The following LRRIQ3 variants were observed in gnomAD, a reference collection of about 807,000 sequenced individuals.
LRRIQ3 encodes leucine-rich repeat and IQ domain-containing protein 3.
A neutral mutation model predicts 59.3 loss-of-function variants in LRRIQ3; 75 were observed. That is an observed-to-expected ratio of 1.26 (90% CI 1.05 to 1.53). The LOEUF is 1.53. Among genes scored for constraint, LRRIQ3 ranks in the 40% most tolerant of loss-of-function variants. The pLI, the probability that LRRIQ3 is intolerant of heterozygous loss-of-function variation, is 0.00. For synonymous variants in LRRIQ3, 250 were observed against 231.3 expected (o/e 1.08, Z -0.73); for missense variants, 831 against 710.0 (o/e 1.17, Z -1.94).
chr1:74,102,881 A>G (rs1041529382), intron 5 of LRRIQ3, among the ~76,000 whole-genome samples: 1 of 151,922 alleles, frequency 6.6e-6, no homozygotes, highest in Non-Finnish European at 1.5e-5. Context: ...TTTCTTATCC[A>G]CATATATGGA....
intron 3 of LRRIQ3, among the ~76,000 whole-genome samples, chr1:74,173,323 C>A (rs1463434504): frequency 6.6e-6 from 1 of 151,174 alleles, no homozygotes; most frequent in African/African-American, 2.4e-5. Context: ...TCCATTCACT[C>A]CCTCCTTATC....
rs578061105 is a variant in LRRIQ3, at chr1:74,165,426, T to C, written c.574-9560A>G. Among the ~76,000 whole-genome samples the C allele has an allele frequency of 2.0e-5, 3 of 151,752 alleles. No homozygotes were observed. The East Asian group carries it at 5.8e-4, about 29-fold the overall frequency. Reference sequence around the variant, plus strand: ...CTAGTATATAGAAATATAATTTTTGTATGTTTATCTGGCATACTGAGACAA... The same window carrying C: ...CTAGTATATAGAAATATAATTTTTGCATGTTTATCTGGCATACTGAGACAA... On this transcript the variant is annotated intron_variant, in intron 3 of 7. Transcript: ENST00000354431.
intron 7 of LRRIQ3, among the ~76,000 whole-genome samples, chr1:74,031,412 C>T (rs1653707515): frequency 6.6e-6 from 1 of 152,090 alleles, no homozygotes; most frequent in South Asian, 2.1e-4. Context: ...CACATATACA[C>T]CATGGAATAC....
At chr1:74,052,443 A>T (rs534852199) in intron 6 of LRRIQ3, among the ~76,000 whole-genome samples, 1 of 152,244 alleles carries the variant, frequency 6.6e-6, no homozygotes, top group South Asian at 2.1e-4. Flanking sequence ...CACCTTATAG[A>T]TTTGCTGTGA....
chr1:74,161,361 A>G (rs1287575860), intron 3 of LRRIQ3, among the ~76,000 whole-genome samples: 1 of 152,046 alleles, frequency 6.6e-6, no homozygotes. Flanking sequence ...TCCGACAAAA[A>G]GTCTTTGCTA....
intron 6 of LRRIQ3, among the ~76,000 whole-genome samples, chr1:74,059,874 G>T (rs1343200024): frequency 6.6e-6 from 1 of 151,940 alleles, no homozygotes; most frequent in African/African-American, 2.4e-5. Context: ...CTTCAGTATA[G>T]AAGTCCTGTA....
chr1:74,056,017 T>G (rs937725776), intron 6 of LRRIQ3, among the ~76,000 whole-genome samples: 1 of 151,324 alleles, frequency 6.6e-6, no homozygotes, highest in African/African-American at 2.4e-5. Flanking sequence ...TGGTGGTGGG[T>G]GCCTGTAGTC....
At chr1:74,031,943 T>C (rs924907112) in intron 7 of LRRIQ3, among the ~76,000 whole-genome samples, 3 of 151,966 alleles carry the variant, frequency 2.0e-5, no homozygotes, top group South Asian at 4.1e-4. Flanking sequence ...GCAAGGTCTA[T>C]ACCTAAAAAT....
intron 6 of LRRIQ3, among the ~76,000 whole-genome samples, chr1:74,072,320 A>T (rs1355601621): frequency 1.3e-5 from 2 of 152,056 alleles, no homozygotes; most frequent in Non-Finnish European, 2.9e-5. Context: ...TAATACCAGA[A>T]CCATTACTTA....
At chr1:74,080,837 G>T (rs1287599979) in intron 5 of LRRIQ3, among the ~76,000 whole-genome samples, 1 of 151,578 alleles carries the variant, frequency 6.6e-6, no homozygotes, top group Non-Finnish European at 1.5e-5. Context: ...AGGTTAACGT[G>T]TACAGCAATC....
At chr1:74,068,614 T>C (rs1654933785) in intron 6 of LRRIQ3, among the ~76,000 whole-genome samples, 1 of 152,192 alleles carries the variant, frequency 6.6e-6, no homozygotes, top group African/African-American at 2.4e-5. Flanking sequence ...ATTTAAAATA[T>C]TTTAAAAGCA....
At chr1:74,092,334 A>G (rs750715755) in intron 5 of LRRIQ3, among the ~76,000 whole-genome samples, 9 of 152,098 alleles carry the variant, frequency 5.9e-5, no homozygotes, top group Non-Finnish European at 1.2e-4. Flanking sequence ...TTAGATCTTT[A>G]TTACACATAG....
intron 6 of LRRIQ3, among the ~76,000 whole-genome samples, chr1:74,049,930 T>C (rs1409493303): frequency 6.0e-5 from 9 of 149,410 alleles, no homozygotes; most frequent in African/African-American, 1.7e-4. Context: ...TTTTTCTTTT[T>C]TTTTTTTTTT....
Position 74,041,634 on chromosome 1 carries a change from G to T in LRRIQ3, c.1297C>A (p.Gln433Lys). Reference protein sequence around the residue: ...IDKYYTEQKKQEYHKEKVRVV... With the variant: ...IDKYYTEQKKKEYHKEKVRVV... ...CTTACTTTTTCTTTATGGTATTCCT[G>T]CTTCTTTTGTTCTGTGTAATATTTG... Residue 433 changes from glutamine (Q) to lysine (K), a missense_variant, in exon 7 of 8, where the codon CAG becomes AAG. Coordinates refer to ENST00000354431, the MANE Select transcript of LRRIQ3 (RefSeq NM_001105659.2). The T allele has an allele frequency of 6.2e-7, 1 of 1,613,638 alleles. No homozygotes were observed. The highest frequency in any genetic ancestry group is 8.5e-7 in the Non-Finnish European group (1 of 1,179,844).
chr1:74,100,520 CTACTAATGACTT>C lies in LRRIQ3; in HGVS notation c.867+8862_867+8873del, dbSNP rs1429920279. On this transcript the variant is annotated intron_variant, in intron 5 of 7. Coordinates refer to ENST00000354431, the MANE Select transcript of LRRIQ3 (RefSeq NM_001105659.2). ...TAGATTCAATGCCATCCCCATAAAGCTACTAATGACTTTCTTCACAGAATTGGAAAAAACTAC... is the reference window on the plus strand; with the variant it reads ...TAGATTCAATGCCATCCCCATAAAGCTCTTCACAGAATTGGAAAAAACTAC... Among the ~76,000 whole-genome samples, 94 of 152,256 alleles carry C rather than the reference CTACTAATGACTT, an allele frequency of 6.2e-4. 1 individual carries two copies. In the East Asian group the frequency reaches 0.01, roughly 17 times the overall value.
Position 74,048,807 on chromosome 1 carries a change from A to G in LRRIQ3, c.998-6874T>C, listed in dbSNP as rs564897596. Among the ~76,000 whole-genome samples the G allele has an allele frequency of 3.3e-5, 5 of 152,306 alleles. No individual in the cohort carries two copies. In the South Asian group the frequency reaches 1.0e-3, roughly 32 times the overall value. On this transcript the variant is annotated intron_variant, in intron 6 of 7. Coordinates refer to ENST00000354431, the MANE Select transcript of LRRIQ3 (RefSeq NM_001105659.2). ...AATATAATGTGTGAACAGTGTATACATAAAATTGAATGTTTGTTGTGTATA... is the reference window on the plus strand; with the variant it reads ...AATATAATGTGTGAACAGTGTATACGTAAAATTGAATGTTTGTTGTGTATA...
Position 74,103,864 on chromosome 1 carries a change from T to A in LRRIQ3, c.867+5530A>T, listed in dbSNP as rs548989844. On this transcript the variant is annotated intron_variant, in intron 5 of 7. Transcript: ENST00000354431. The stretch of plus-strand genomic sequence containing the variant: ...GCAATCAAATAAGACTAGTTCTTGA[T>A]GTATGAAATTACAGCAACCTCACCG... Among the ~76,000 whole-genome samples the A allele has an allele frequency of 2.0e-5, 3 of 151,814 alleles. No individual in the cohort carries two copies. In the South Asian group the frequency reaches 6.2e-4, roughly 32 times the overall value.
At chr1:74,172,492 T>C (rs1019907692) in intron 3 of LRRIQ3, among the ~76,000 whole-genome samples, 7 of 152,202 alleles carry the variant, frequency 4.6e-5, no homozygotes, top group Non-Finnish European at 8.8e-5. Flanking sequence ...AATACTTATA[T>C]GTGACTATGT....
At chr1:74,172,933 C>T (rs945543989) in intron 3 of LRRIQ3, among the ~76,000 whole-genome samples, 5 of 152,036 alleles carry the variant, frequency 3.3e-5, no homozygotes, top group African/African-American at 1.2e-4. Context: ...ATTTCTTTCC[C>T]TTCACCAATA....
Sources: gnomAD v4.1 joint callset for allele counts (sites outside exome capture counted in the v4.1 genomes callset) on GRCh38, gnomAD v4.1.1 for gene constraint, MANE v1.5 for transcripts, NCBI Gene and HGNC (gene_info 2026-07-23, HGNC 2026-07-21) for gene names.